The following NXPE4 variants were observed in gnomAD, a reference collection of about 807,000 sequenced individuals.
The protein encoded by NXPE4 is NXPE family member 4.
NXPE4 carries 42 observed loss-of-function variants against 33.3 expected under a neutral mutation model. That is an observed-to-expected ratio of 1.26 (90% CI 0.98 to 1.63). The LOEUF is 1.63. Among genes scored for constraint, NXPE4 ranks in the 40% most tolerant of loss-of-function variants. The pLI, the probability that NXPE4 is intolerant of heterozygous loss-of-function variation, is 0.00. For synonymous variants in NXPE4, 253 were observed against 234.9 expected (o/e 1.08, Z -0.71); for missense variants, 709 against 647.6 (o/e 1.09, Z -1.03).
At chr11:114,586,242 G>A (rs1949294797) in intron 2 of NXPE4, among the ~76,000 whole-genome samples, 1 of 152,132 alleles carries the variant, frequency 6.6e-6, no homozygotes, top group East Asian at 1.9e-4. Context: ...TTAAACCTCT[G>A]CTCTTAAACT....
chr11:114,609,834 C>A, the NXPE4 span, among the ~76,000 whole-genome samples: 1 of 151,528 alleles, frequency 6.6e-6, no homozygotes, highest in Non-Finnish European at 1.5e-5. Context: ...CCATGGTAAC[C>A]CGATGGATAA....
chr11:114,639,247 C>G, the NXPE4 span, among the ~76,000 whole-genome samples: 1 of 152,030 alleles, frequency 6.6e-6, no homozygotes, highest in Non-Finnish European at 1.5e-5. Flanking sequence ...CAGCGAGACT[C>G]TGTGGGCATA....
chr11:114,649,482 C>A, the NXPE4 span, among the ~76,000 whole-genome samples: 4 of 152,276 alleles, frequency 2.6e-5, no homozygotes, highest in African/African-American at 9.6e-5. Context: ...AAACCAGACA[C>A]AAGAGACCAC....
the NXPE4 span, among the ~76,000 whole-genome samples, chr11:114,642,349 G>A: frequency 2.6e-5 from 4 of 151,938 alleles, no homozygotes; most frequent in African/African-American, 9.7e-5. Flanking sequence ...AGATATACAC[G>A]TACCATGGTG....
At chr11:114,604,599 C>T in the NXPE4 span, among the ~76,000 whole-genome samples, 1 of 151,728 alleles carries the variant, frequency 6.6e-6, no homozygotes. Context: ...TGGGTAACCA[C>T]CATTACCCAC....
chr11:114,591,817 T>C (rs1439251783), intron 2 of NXPE4, among the ~76,000 whole-genome samples: 1 of 152,144 alleles, frequency 6.6e-6, no homozygotes, highest in African/African-American at 2.4e-5. Context: ...ACAGGAGATG[T>C]CTGGACTGAC....
At chr11:114,608,736 C>T in the NXPE4 span, among the ~76,000 whole-genome samples, 1 of 151,810 alleles carries the variant, frequency 6.6e-6, no homozygotes, top group Non-Finnish European at 1.5e-5. Flanking sequence ...CGTGGGTAAC[C>T]ACTGTTACCC....
chr11:114,643,291 T>C, the NXPE4 span, among the ~76,000 whole-genome samples: 1 of 152,130 alleles, frequency 6.6e-6, no homozygotes, highest in Non-Finnish European at 1.5e-5. Flanking sequence ...TTGACTTTTG[T>C]TGCCACTGCT....
chr11:114,661,086 A>T, the NXPE4 span, among the ~76,000 whole-genome samples: 2 of 152,192 alleles, frequency 1.3e-5, no homozygotes, highest in Non-Finnish European at 2.9e-5. Context: ...GCAAACCATA[A>T]ACCATGATGA....
At chr11:114,666,615 G>A in the NXPE4 span, among the ~76,000 whole-genome samples, 1 of 152,058 alleles carries the variant, frequency 6.6e-6, no homozygotes, top group South Asian at 2.1e-4. Context: ...TAGGATATAT[G>A]GCCTTAAATC....
At chr11:114,646,331 A>C in the NXPE4 span, among the ~76,000 whole-genome samples, 3 of 151,702 alleles carry the variant, frequency 2.0e-5, no homozygotes, top group African/African-American at 7.2e-5. Flanking sequence ...AATAAATATA[A>C]ATAACTTAAT....
the NXPE4 span, among the ~76,000 whole-genome samples, chr11:114,601,521 A>ATTATAAGTATATATAATATATATTAT: frequency 9.6e-6 from 1 of 104,540 alleles, no homozygotes; most frequent in Non-Finnish European, 1.9e-5. Context: ...TATATTATAT[A>ATTATAAGTATATATAATATATATTAT]TTATAATTAT....
At chr11:114,611,389 A>T in the NXPE4 span, among the ~76,000 whole-genome samples, 1 of 151,762 alleles carries the variant, frequency 6.6e-6, no homozygotes, top group African/African-American at 2.4e-5. Flanking sequence ...CCTCGTGGGT[A>T]ACCACTGTTT....
chr11:114,581,770 C>G lies in NXPE4; in HGVS notation c.847G>C (p.Glu283Gln). 1 of 1,610,280 alleles carries G rather than the reference C, an allele frequency of 6.2e-7. No homozygotes were observed. The highest frequency in any genetic ancestry group is 8.5e-7 in the Non-Finnish European group (1 of 1,178,096). The change falls in exon 4 of 6, where the codon GAG becomes CAG. Residue 283 changes from glutamate to glutamine, a missense_variant. By Grantham distance (29) the Glu-to-Gln change is conservative (BLOSUM62 2). Coordinates refer to ENST00000375478, the MANE Select transcript of NXPE4 (RefSeq NM_001077639.2). ...SLFERSNVGV[E>Q]IMEKFNTISV... Reference sequence around the variant, plus strand: ...ATTGTATTGAATTTTTCCATAATCTCTACACCCACATTTGACCTTAAAGAC... The same window carrying G: ...ATTGTATTGAATTTTTCCATAATCTGTACACCCACATTTGACCTTAAAGAC...
chr11:114,667,313 T>A, the NXPE4 span, among the ~76,000 whole-genome samples: 1 of 152,302 alleles, frequency 6.6e-6, no homozygotes, highest in African/African-American at 2.4e-5. Context: ...TTAATAAACA[T>A]AATTATATTT....
At chr11:114,623,846 A>C in the NXPE4 span, among the ~76,000 whole-genome samples, 4 of 152,138 alleles carry the variant, frequency 2.6e-5, no homozygotes, top group South Asian at 8.3e-4. Flanking sequence ...GTGGATAATA[A>C]GTGTTGCCTC....
At chr11:114,636,176 C>T in the NXPE4 span, among the ~76,000 whole-genome samples, 8 of 151,876 alleles carry the variant, frequency 5.3e-5, no homozygotes, top group East Asian at 7.7e-4. Context: ...TCAACTTCTT[C>T]CTGGTTTAGT....
the NXPE4 span, among the ~76,000 whole-genome samples, chr11:114,653,373 G>T: frequency 6.6e-6 from 1 of 152,068 alleles, no homozygotes; most frequent in Non-Finnish European, 1.5e-5. Flanking sequence ...CGGTTTTGTT[G>T]TATAGACAAT....
At chr11:114,583,485 C>T in intron 2 of NXPE4, 1 of 639,976 alleles carries the variant, frequency 1.6e-6, no homozygotes, top group Non-Finnish European at 3.0e-6. Flanking sequence ...TTCTTGTGCT[C>T]CATCTATCCA....
Sources: allele counts gnomAD v4.1 joint callset (sites outside exome capture counted in the v4.1 genomes callset), GRCh38; gene constraint gnomAD v4.1.1; transcripts MANE v1.5; gene names NCBI Gene and HGNC (gene_info 2026-07-23, HGNC 2026-07-21).